EFCAB5: variants seen among roughly 807,000 people sequenced by gnomAD.
The protein encoded by EFCAB5 is EF-hand calcium-binding domain-containing protein 5.
In EFCAB5, 131 loss-of-function variants were observed where a neutral mutation model predicts 167.9. The observed-to-expected ratio is 0.78, with a 90% confidence interval of 0.68 to 0.90. The LOEUF (loss-of-function observed/expected upper bound fraction) is 0.90, where lower values mean the gene tolerates loss of function less well. Ranked by LOEUF, EFCAB5 falls within the 40% of genes least tolerant of loss-of-function variation. The pLI, the probability that EFCAB5 is intolerant of heterozygous loss-of-function variation, is 0.00. For synonymous variants in EFCAB5, 574 were observed against 602.8 expected (o/e 0.95, Z 0.70); for missense variants, 1,663 against 1,745.2 (o/e 0.95, Z 0.84).
Position 30,053,333 on chromosome 17 carries a change from G to T in EFCAB5, c.1379G>T (p.Gly460Val). The T allele has an allele frequency of 6.2e-7, 1 of 1,613,926 alleles. No homozygotes were observed. The highest frequency in any genetic ancestry group is 8.5e-7 in the Non-Finnish European group (1 of 1,179,886). The part of the protein sequence containing the change: ...DMDNQKHIYE[G>V]FDKVLLEMNT... ...GATAATCAGAAACACATTTATGAAG[G>T]TTTTGACAAAGTGCTCTTGGAGATG... The change falls in exon 10 of 23, where the codon GGT (glycine) becomes GTT (valine). Residue 460 changes from glycine to valine, a missense_variant. Coordinates refer to ENST00000394835, the MANE Select transcript of EFCAB5 (RefSeq NM_198529.4).
At chr17:30,013,682 T>C (rs1160989242) in intron 7 of EFCAB5, among the ~76,000 whole-genome samples, 1 of 152,176 alleles carries the variant, frequency 6.6e-6, no homozygotes. Context: ...GTCTATTTGA[T>C]TCTTCTCTCT....
chr17:29,943,467 T>TA lies in EFCAB5; in HGVS notation c.106-97dup, dbSNP rs1338681863. 9 of 1,067,188 alleles carry TA rather than the reference T, an allele frequency of 8.4e-6. No homozygotes were observed. The African/African-American group carries it at 1.5e-4, about 17-fold the overall frequency. The allele number at this position is 1,067,188 out of a possible 1,614,324, so 66.1% of individuals were successfully genotyped here. On this transcript the variant is annotated intron_variant, in intron 2 of 22. Transcript: ENST00000394835. ...TAACTAGGAATGTTTGGTTAACTCT[T>TA]ACAAAGCAATTAACTTTCCTTTAAT...
At position 29,968,791 on chromosome 17, in the gene EFCAB5, A is replaced by G. The variant is rs185083507; in HGVS notation, c.191A>G (p.Glu64Gly). ...ACATTTCACTTTTTTTTCCCCTCAG[A>G]ATTAAACCTGGAGGGGCAGCGAAAA... Reference protein sequence around the residue: ...EKAMDEIKSQELNLEGQRKIS... With the variant: ...EKAMDEIKSQGLNLEGQRKIS... Residue 64 changes from glutamate to glycine, a missense_variant and splice_region_variant, in exon 4 of 23, where the codon GAA (glutamate) becomes GGA (glycine). Physicochemically the swap from Glu to Gly is moderately conservative, Grantham distance 98 (BLOSUM62 -2). Coordinates refer to ENST00000394835, the MANE Select transcript of EFCAB5 (RefSeq NM_198529.4). 4.1e-4 allele frequency: 607 copies of G among 1,480,542 alleles called. 2 individuals carry two copies. In the African/African-American group the frequency reaches 6.7e-3, roughly 16 times the overall value. 91.7% of individuals were successfully genotyped at this position (1,480,542 alleles called of 1,614,324 possible). A position where few individuals can be genotyped will look rare whatever the true frequency, so the allele number is the denominator to read the frequency against.
rs1294063953 is a variant in EFCAB5, at chr17:30,043,590, TA to T, written c.1201-7527del. On this transcript the variant is annotated intron_variant, in intron 8 of 22. Coordinates refer to ENST00000394835, the MANE Select transcript of EFCAB5 (RefSeq NM_198529.4). ...GTATTTCTACATACTAGCAAAGAAA[TA>T]TTGGAAGATGAAATTTGTAAATGCC... Among the ~76,000 whole-genome samples the T allele has an allele frequency of 3.3e-5, 5 of 152,244 alleles. No homozygotes were observed. The East Asian group carries it at 9.6e-4, about 29-fold the overall frequency.
intron 7 of EFCAB5, among the ~76,000 whole-genome samples, chr17:30,017,511 A>C (rs2069075141): frequency 6.6e-6 from 1 of 152,190 alleles, no homozygotes. Flanking sequence ...CTTAGAAAAT[A>C]AAAATATAAT....
At chr17:29,964,324 T>C (rs922970025) in intron 3 of EFCAB5, among the ~76,000 whole-genome samples, 1 of 152,178 alleles carries the variant, frequency 6.6e-6, no homozygotes, top group African/African-American at 2.4e-5. Context: ...GACAGAGTCT[T>C]GCTCTGTTGC....
chr17:30,061,584 C>CT (rs1393356851), intron 14 of EFCAB5, among the ~76,000 whole-genome samples: 2 of 151,880 alleles, frequency 1.3e-5, no homozygotes, highest in African/African-American at 2.4e-5. Context: ...CCCTCCCCAC[C>CT]TTTTTTTTAG....
chr17:30,076,181 T>C (rs1226053183), intron 14 of EFCAB5, among the ~76,000 whole-genome samples: 1 of 152,252 alleles, frequency 6.6e-6, no homozygotes, highest in African/African-American at 2.4e-5. Context: ...TCTACCTTTG[T>C]GGTAACCAGG....
chr17:30,001,841 C>G (rs971974141), intron 7 of EFCAB5, among the ~76,000 whole-genome samples: 2 of 152,136 alleles, frequency 1.3e-5, no homozygotes, highest in Non-Finnish European at 2.9e-5. Context: ...GAGGTTATTA[C>G]ATGCACTTTC....
chr17:29,997,511 A>G (rs1409628162), intron 6 of EFCAB5, among the ~76,000 whole-genome samples: 1 of 152,100 alleles, frequency 6.6e-6, no homozygotes, highest in Non-Finnish European at 1.5e-5. Flanking sequence ...ATTAGAATTC[A>G]GATACAATTT....
intron 3 of EFCAB5, among the ~76,000 whole-genome samples, chr17:29,952,779 T>A (rs1321747731): frequency 6.6e-6 from 1 of 152,158 alleles, no homozygotes; most frequent in East Asian, 1.9e-4. Flanking sequence ...AAAGTAGCAG[T>A]CTATGGGAGG....
At chr17:30,102,614 A>T (rs1209300382) in intron 22 of EFCAB5, among the ~76,000 whole-genome samples, 2 of 152,072 alleles carry the variant, frequency 1.3e-5, no homozygotes, top group African/African-American at 4.8e-5. Flanking sequence ...GACGTAGCAA[A>T]ATTGAATGCA....
chr17:29,969,398 C>T (rs2067904510), intron 4 of EFCAB5, 31 bp downstream of exon 4: 8 of 1,502,516 alleles, frequency 5.3e-6, no homozygotes, highest in Non-Finnish European at 7.1e-6. Flanking sequence ...AGTTCATGAT[C>T]TGTCTCCTTA....
chr17:29,968,983 C>A lies in EFCAB5; in HGVS notation c.383C>A (p.Ala128Glu). 1 of 1,588,960 alleles carries A rather than the reference C, an allele frequency of 6.3e-7. No individual in the cohort carries two copies. The highest frequency in any genetic ancestry group is 8.6e-7 in the Non-Finnish European group (1 of 1,168,560). The change falls in exon 4 of 23, where the codon GCA becomes GAA. Residue 128 changes from alanine to glutamate, a missense_variant. Physicochemically the swap from Ala to Glu is moderately radical, Grantham distance 107. Transcript: ENST00000394835. ...GAAAGAATGGAGGCAAGAGCCCAAG[C>A]AATGCAGCAGAAAATAATAGATAAG... is the stretch of plus-strand genomic sequence containing the variant. Reference protein sequence around the residue: ...LFERMEARAQAMQQKIIDKEN... With the variant: ...LFERMEARAQEMQQKIIDKEN...
At chr17:30,021,136 A>ATTT (rs539917047) in intron 7 of EFCAB5, among the ~76,000 whole-genome samples, 20 of 145,946 alleles carry the variant, frequency 1.4e-4, no homozygotes, top group African/African-American at 3.0e-4. Context: ...ATAGGAAATA[A>ATTT]TTTTTTTTTT....
chr17:30,015,086 G>A (rs543583847), intron 7 of EFCAB5, among the ~76,000 whole-genome samples: 1 of 152,276 alleles, frequency 6.6e-6, no homozygotes, highest in South Asian at 2.1e-4. Flanking sequence ...ATGAAATTCT[G>A]GCTTGAAAAT....
chr17:29,931,060 AAATT>A (rs1383603571), intron 1 of EFCAB5, among the ~76,000 whole-genome samples: 2 of 152,368 alleles, frequency 1.3e-5, no homozygotes, highest in Non-Finnish European at 2.9e-5. Flanking sequence ...TCTCAGGGGT[AAATT>A]GTCTGCAGAA....
intron 18 of EFCAB5, among the ~76,000 whole-genome samples, chr17:30,085,093 G>A (rs751380695): frequency 9.9e-5 from 15 of 151,720 alleles, no homozygotes; most frequent in Admixed American, 3.3e-4. Context: ...TTTATTAAAC[G>A]CCCCTTAAAT....
At position 29,941,662 on chromosome 17, in the gene EFCAB5, G is replaced by T. The variant is rs540817091; in HGVS notation, c.-135G>T. The stretch of plus-strand genomic sequence containing the variant: ...ATTCAATAGAATTGTGGGGTGAGGT[G>T]AGGGCAGGAGTGAGGGAGCTTTTTT... On this transcript the variant is annotated 5_prime_UTR_variant, in exon 1 of 23. Transcript: ENST00000394835. 1.5e-4 allele frequency: 98 copies of T among 652,340 alleles called. 1 individual carries two copies. The East Asian group carries it at 2.5e-3, about 17-fold the overall frequency. The allele number at this position is 652,340 out of a possible 1,614,324, so 40.4% of individuals were successfully genotyped here. A position where few individuals can be genotyped will look rare whatever the true frequency, so the allele number is the denominator to read the frequency against.
Sources: gnomAD v4.1 joint callset for allele counts (sites outside exome capture counted in the v4.1 genomes callset) on GRCh38, gnomAD v4.1.1 for gene constraint, MANE v1.5 for transcripts, NCBI Gene and HGNC (gene_info 2026-07-23, HGNC 2026-07-21) for gene names.